The following DBH variants were observed in gnomAD, a reference collection of about 807,000 sequenced individuals.
DBH encodes the protein dopamine beta-hydroxylase (dopamine beta-monooxygenase).
DBH carries 49 observed loss-of-function variants against 64.0 expected under a neutral mutation model. That is an observed-to-expected ratio of 0.77 (90% CI 0.61 to 0.97). DBH has a LOEUF of 0.97. DBH is among the 50% of genes least tolerant of loss of function. The pLI, the probability that DBH is intolerant of heterozygous loss-of-function variation, is 0.00. For synonymous variants in DBH, 343 were observed against 347.1 expected (o/e 0.99, Z 0.13); for missense variants, 828 against 826.6 (o/e 1.00, Z -0.02).
intron 2 of DBH, among the ~76,000 whole-genome samples, 157 bp from the exon 3 acceptor site, chr9:133,642,043 GCCCCAGC>G (rs1239824158): frequency 1.3e-5 from 2 of 152,208 alleles, no homozygotes; most frequent in Non-Finnish European, 2.9e-5. Flanking sequence ...CCGGGATTTG[GCCCCAGC>G]CAGGGCCATG....
rs1481290140 is a variant in DBH at position 133,658,387 on chromosome 9, C to T, written c.1794C>T (p.Thr598=). The change falls in exon 12 of 12, where the codon ACC becomes ACT. Residue 598 remains threonine (T), a synonymous_variant. Transcript: ENST00000393056. The part of the protein sequence containing the change: ...TLEEPTPQCP[T]SQGRSPAGPT... The stretch of plus-strand genomic sequence containing the variant: ...AAGAGCCCACCCCACAGTGCCCCAC[C>T]AGCCAGGGCCGAAGCCCTGCTGGCC... 2 of 1,613,858 alleles carry T rather than the reference C, an allele frequency of 1.2e-6. No homozygotes were observed. The highest frequency in any genetic ancestry group is 8.5e-7 in the Non-Finnish European group (1 of 1,179,884).
intron 3 of DBH, 99 bp downstream of exon 3, chr9:133,642,563 G>C: frequency 6.9e-7 from 1 of 1,442,660 alleles, no homozygotes; most frequent in Non-Finnish European, 9.4e-7. Flanking sequence ...GTCCTGGTTG[G>C]ACCAGGTGTC....
chr9:133,657,446 A>AGAGGAGG, intron 11 of DBH: 2 of 468,850 alleles, frequency 4.3e-6, no homozygotes, highest in East Asian at 4.0e-5. Context: ...GAGAGAGGAG[A>AGAGGAGG]GAGAGGAGAG....
At position 133,643,517 on chromosome 9, in the gene DBH, C is replaced by A; in HGVS notation, c.849C>A (p.Cys283Ter). 6.2e-7 allele frequency: 1 copy of A among 1,613,748 alleles called. No homozygotes were observed. Among genetic ancestry groups the A allele is most frequent in the Non-Finnish European group, 8.5e-7 (1 of 1,179,976 alleles). ...MDSVPHFSGP[C>*]DSKMKPDRLN... is the part of the protein sequence containing the mutation. Reference sequence around the variant, plus strand: ...GCGTCCCCCACTTCAGCGGGCCCTGCGACTCCAAGATGAAACCCGACCGCC... The same window carrying A: ...GCGTCCCCCACTTCAGCGGGCCCTGAGACTCCAAGATGAAACCCGACCGCC... Residue 283 changes from cysteine to a stop codon, truncating the protein, a stop_gained, in exon 4 of 12, where the codon TGC becomes TGA. Coordinates refer to ENST00000393056, the MANE Select transcript of DBH (RefSeq NM_000787.4). LOFTEE classifies it high-confidence loss of function. The surrounding 1 kb of genome is among the most constrained non-coding windows in gnomAD (Gnocchi z 5.3).
rs886063661 is a variant in DBH, at chr9:133,658,730, A to C, written c.*283A>C. 29 of 290,006 alleles carry C rather than the reference A, an allele frequency of 1.0e-4. No homozygotes were observed. The highest frequency in any genetic ancestry group is 1.8e-3 in the Middle Eastern group (2 of 1,090). 18.0% of individuals were successfully genotyped at this position (290,006 alleles called of 1,614,324 possible). A position where few individuals can be genotyped will look rare whatever the true frequency, so the allele number is the denominator to read the frequency against. The stretch of plus-strand genomic sequence containing the variant: ...GACTCAGTGCAGGGACAGCCTGCAC[A>C]GTGGTCCAGGGTCCAGCCCTCCGCC... On this transcript the variant is annotated 3_prime_UTR_variant, in exon 12 of 12. Transcript: ENST00000393056.
At chr9:133,650,225 C>T (rs1832227921) in intron 6 of DBH, among the ~76,000 whole-genome samples, 1 of 152,158 alleles carries the variant, frequency 6.6e-6, no homozygotes, top group South Asian at 2.1e-4. Flanking sequence ...AGGGCGGCCG[C>T]TGCTTGGGAG....
rs1360698430 is a variant in DBH at position 133,644,370 on chromosome 9, G to A, written c.1024+50G>A. On this transcript the variant is annotated intron_variant, in intron 5 of 11. Coordinates refer to ENST00000393056, the MANE Select transcript of DBH (RefSeq NM_000787.4). ...CTCAGAAGCCCTAGGACTCAGCTGT[G>A]TTGAGCCAGTGAGCAAATCCCGCCC... 3 of 1,476,894 alleles carry A rather than the reference G, an allele frequency of 2.0e-6. No individual in the cohort carries two copies. In the African/African-American group the frequency reaches 4.2e-5, roughly 21 times the overall value. 91.5% of individuals were successfully genotyped at this position (1,476,894 alleles called of 1,614,324 possible).
intron 5 of DBH, among the ~76,000 whole-genome samples, chr9:133,646,190 AAACTTC>A (rs1221963845): frequency 6.6e-6 from 1 of 151,860 alleles, no homozygotes; most frequent in African/African-American, 2.4e-5. Flanking sequence ...TTTTTTACTT[AAACTTC>A]ATCAGAAGCC....
At chr9:133,644,173 C>T (rs1304076536) in intron 4 of DBH, 45 bp from the exon 5 acceptor site, 4 of 1,461,114 alleles carry the variant, frequency 2.7e-6, no homozygotes, top group Non-Finnish European at 3.8e-6. Flanking sequence ...AGACCTGGGG[C>T]CCTCTCAGGA....
rs1478351878 is a variant in DBH, at chr9:133,647,913, C to T, written c.1092C>T (p.Ile364=). The T allele has an allele frequency of 3.1e-6, 5 of 1,614,100 alleles. No individual in the cohort carries two copies. Among genetic ancestry groups the T allele is most frequent in the Middle Eastern group, 1.6e-4 (1 of 6,084 alleles). The change falls in exon 6 of 12, where the codon ATC becomes ATT. Residue 364 remains isoleucine, a synonymous_variant. Transcript: ENST00000393056. ...TAKLRRFNAG[I]MELGLVYTPV... ...AGCTGCGGCGCTTCAACGCGGGGAT[C>T]ATGGAGCTGGGACTGGTGTACACGC...
In DBH at chr9:133,636,388, G is replaced by A. The variant is rs781667738; in HGVS notation, c.17G>A (p.Arg6His). Residue 6 changes from arginine to histidine, a missense_variant, in exon 1 of 12, where the codon CGC (arginine) becomes CAC (histidine). Coordinates refer to ENST00000393056, the MANE Select transcript of DBH (RefSeq NM_000787.4). ...ACCCCAGCCATGCCCGCCCTCAGTC[G>A]CTGGGCCAGCCTGCCCGGCCCCAGC... MPALS[R>H]WASLPGPSMR... 34 of 1,609,958 alleles carry A rather than the reference G, an allele frequency of 2.1e-5. No homozygotes were observed. The Admixed American group carries it at 3.8e-4, about 18-fold the overall frequency.
rs182974707 is a variant in DBH, at chr9:133,644,315, T to G, written c.1019T>G (p.Ile340Arg). Residue 340 changes from isoleucine to arginine, a missense_variant, in exon 5 of 12, where the codon ATA becomes AGA. Coordinates refer to ENST00000393056, the MANE Select transcript of DBH (RefSeq NM_000787.4). ...GTTCACTACCACAACCCACTGGTGA[T>G]AGAAGGTAGGCGGCTCTGCTGCCAT... The part of the protein sequence containing the change: ...LEVHYHNPLV[I>R]EGRNDSSGIR... The G allele has an allele frequency of 6.2e-7, 1 of 1,613,716 alleles. No individual in the cohort carries two copies. The highest frequency in any genetic ancestry group is 8.5e-7 in the Non-Finnish European group (1 of 1,179,600).
At position 133,652,239 on chromosome 9, in the gene DBH, G is replaced by C. The variant is rs776698616; in HGVS notation, c.1336-7G>C. Reference sequence around the variant, plus strand: ...TCTCCCCCACCCCTCGGCTCTGCCTGCCCCAGGAGATCCGCATGTTGAAGA... The same window carrying C: ...TCTCCCCCACCCCTCGGCTCTGCCTCCCCCAGGAGATCCGCATGTTGAAGA... On this transcript the variant is annotated splice_polypyrimidine_tract_variant and splice_region_variant and intron_variant, in intron 7 of 11. Transcript: ENST00000393056. 27 of 1,613,730 alleles carry C rather than the reference G, an allele frequency of 1.7e-5. No individual in the cohort carries two copies.
chr9:133,641,096 G>A (rs983907124), intron 2 of DBH, among the ~76,000 whole-genome samples: 7 of 152,194 alleles, frequency 4.6e-5, no homozygotes, highest in Non-Finnish European at 8.8e-5. Context: ...TCACACAAGC[G>A]TGAATGTTGG....
intron 8 of DBH, among the ~76,000 whole-genome samples, chr9:133,652,601 G>C (rs936143211): frequency 1.1e-4 from 16 of 152,168 alleles, no homozygotes; most frequent in South Asian, 2.1e-4. Context: ...GCAGGCAGTG[G>C]AGCCCTGATC....
intron 11 of DBH, 195 bp downstream of exon 11, chr9:133,657,424 GGAGAGAGAGGAGA>G (rs373924065): frequency 4.4e-6 from 2 of 454,428 alleles, no homozygotes; most frequent in Non-Finnish European, 7.8e-6. Context: ...AGGAGAGAGA[GGAGAGAGAGGAGA>G]GAGAGGAGAG....
intron 5 of DBH, 81 bp from the exon 6 acceptor site, chr9:133,647,765 T>A: frequency 6.4e-7 from 1 of 1,559,880 alleles, no homozygotes; most frequent in Non-Finnish European, 8.8e-7. Flanking sequence ...GTGGCTGGGG[T>A]CATAGGGATA....
intron 3 of DBH, 89 bp downstream of exon 3, chr9:133,642,553 G>A (rs892014835): frequency 6.7e-6 from 10 of 1,482,574 alleles, no homozygotes; most frequent in Non-Finnish European, 9.1e-6. Flanking sequence ...GCTGTCCACA[G>A]TCCTGGTTGG....
At chr9:133,657,997 T>C (rs928958537) in intron 11 of DBH, among the ~76,000 whole-genome samples, 1 of 152,016 alleles carries the variant, frequency 6.6e-6, no homozygotes, top group African/African-American at 2.4e-5. Flanking sequence ...GGGGAAGAGA[T>C]AGCTAAAAAA....
Sources: gnomAD v4.1 joint callset for allele counts (sites outside exome capture counted in the v4.1 genomes callset) on GRCh38, gnomAD v4.1.1 for gene constraint, Gnocchi (gnomAD v3.1) non-coding constraint, MANE v1.5 for transcripts, NCBI Gene and HGNC (gene_info 2026-07-23, HGNC 2026-07-21) for gene names.